Variants in MAP2 observed in about 807,000 individuals in gnomAD.
MAP2 encodes microtubule-associated protein 2.
Under a neutral mutation model 137.6 loss-of-function variants are expected in MAP2, and 14 were observed. The observed-to-expected ratio is 0.10, with a 90% CI of 0.07 to 0.16. The LOEUF is 0.16. MAP2 is among the 10% of genes least tolerant of loss of function. The pLI is 1.00. For missense variants in MAP2, 2,088 were observed against 2,191.5 expected (o/e 0.95, Z 0.94); for synonymous variants, 786 against 782.3 (o/e 1.00, Z -0.08).
Position 209,730,280 on chromosome 2 carries a change from A to G in MAP2, c.5367A>G (p.Ala1789=), listed in dbSNP as rs777193456. 4 of 1,614,004 alleles carry G rather than the reference A, an allele frequency of 2.5e-6. No individual in the cohort carries two copies. The African/African-American group carries it at 4.0e-5, about 16-fold the overall frequency. ...ITQSPGRSSV[A]SPRRLSNVSS... The stretch of plus-strand genomic sequence containing the variant: ...AGTCCCCAGGCAGATCCAGCGTGGC[A>G]TCACCCCGACGACTCAGCAATGTCT... The change falls in exon 16 of 16, where the codon GCA becomes GCG. Residue 1789 remains alanine (A), a synonymous_variant. Transcript: ENST00000682079.
chr2:209,498,337 GTGCATCCTCCCCATACCCCTCAGA>G (rs2059993946), intron 1 of MAP2, among the ~76,000 whole-genome samples: 1 of 152,210 alleles, frequency 6.6e-6, no homozygotes, highest in African/African-American at 2.4e-5. Flanking sequence ...GCTTTGCAGG[GTGCATCCTCCCCATACCCCTCAGA>G]TGCTCTCACA....
chr2:209,651,051 A>G (rs1043061964), intron 4 of MAP2, among the ~76,000 whole-genome samples: 19 of 152,208 alleles, frequency 1.2e-4, no homozygotes, highest in Admixed American at 7.9e-4. Flanking sequence ...AAAGTTCACA[A>G]TTGGAATCTA....
At chr2:209,490,947 G>T (rs1034051615) in intron 1 of MAP2, among the ~76,000 whole-genome samples, 7 of 152,222 alleles carry the variant, frequency 4.6e-5, no homozygotes, top group African/African-American at 1.7e-4. Context: ...GGACCAAGCA[G>T]ACCCAATATA....
intron 2 of MAP2, among the ~76,000 whole-genome samples, chr2:209,552,716 C>G (rs1454024320): frequency 1.3e-5 from 2 of 151,968 alleles, no homozygotes; most frequent in African/African-American, 4.8e-5. Context: ...CAAAAATTAG[C>G]CGGGCGTTGT....
intron 7 of MAP2, among the ~76,000 whole-genome samples, chr2:209,690,168 C>T (rs909554487): frequency 6.6e-6 from 1 of 152,050 alleles, no homozygotes; most frequent in Non-Finnish European, 1.5e-5. Flanking sequence ...GCGAAAACAG[C>T]ACATGTCTAA....
rs753363078 is a variant in MAP2 at position 209,696,356 on chromosome 2, CATT to C, written c.4180+22_4180+24del. 149 of 1,526,414 alleles carry C rather than the reference CATT, an allele frequency of 9.8e-5. No individual in the cohort carries two copies. The highest frequency in any genetic ancestry group is 1.8e-4 in the Middle Eastern group (1 of 5,682). The allele number at this position is 1,526,414 out of a possible 1,614,324, so 94.6% of individuals were successfully genotyped here. A position where few individuals can be genotyped will look rare whatever the true frequency, so the allele number is the denominator to read the frequency against. On this transcript the variant is annotated splice_region_variant and intron_variant, in intron 8 of 15. Coordinates refer to ENST00000682079, the MANE Select transcript of MAP2 (RefSeq NM_001375505.1). ...CCTCTGGGTGGACACTCAAGGTGTG[CATT>C]ATTATTATTATTATTTTAACTCAAA...
chr2:209,649,694 A>G (rs560513134), intron 4 of MAP2, among the ~76,000 whole-genome samples: 15 of 152,288 alleles, frequency 9.8e-5, no homozygotes, highest in Admixed American at 5.9e-4. Flanking sequence ...TACTTACTAA[A>G]TGGTTAGACT....
At chr2:209,515,643 T>C (rs555951798) in intron 2 of MAP2, among the ~76,000 whole-genome samples, 7 of 152,140 alleles carry the variant, frequency 4.6e-5, no homozygotes, top group Non-Finnish European at 7.4e-5. Context: ...TCCCCTGACA[T>C]GTGGAGATTA....
At chr2:209,583,185 C>CTATCTATG (rs958071233) in intron 3 of MAP2, among the ~76,000 whole-genome samples, 4 of 151,720 alleles carry the variant, frequency 2.6e-5, no homozygotes, top group African/African-American at 7.3e-5. Flanking sequence ...ATCTATCTAT[C>CTATCTATG]TGTCTATCCT....
chr2:209,566,822 T>G (rs2153364399), intron 2 of MAP2, among the ~76,000 whole-genome samples: 1 of 152,288 alleles, frequency 6.6e-6, no homozygotes, highest in East Asian at 1.9e-4. Flanking sequence ...CAAGGTTTCC[T>G]TTTGTGCATT....
chr2:209,688,980 T>G (rs1382942531), intron 7 of MAP2, among the ~76,000 whole-genome samples: 4 of 152,212 alleles, frequency 2.6e-5, no homozygotes, highest in African/African-American at 9.6e-5. Flanking sequence ...AAACTAAATT[T>G]CTAAAATATG....
chr2:209,718,849 A>C (rs1185291338), intron 13 of MAP2, among the ~76,000 whole-genome samples: 2 of 152,234 alleles, frequency 1.3e-5, no homozygotes, highest in Non-Finnish European at 2.9e-5. Flanking sequence ...GTCTGCATAC[A>C]TTTTAACCAG....
chr2:209,720,153 T>C (rs1254637054), intron 13 of MAP2, among the ~76,000 whole-genome samples: 2 of 152,164 alleles, frequency 1.3e-5, no homozygotes, highest in African/African-American at 4.8e-5. Context: ...TCTGGCTGCC[T>C]CACTAAGAAG....
intron 1 of MAP2, among the ~76,000 whole-genome samples, chr2:209,457,945 C>T (rs1175996496): frequency 6.6e-6 from 1 of 152,176 alleles, no homozygotes; most frequent in Non-Finnish European, 1.5e-5. Flanking sequence ...AAGATATCTC[C>T]ACAGTGTGTT....
intron 4 of MAP2, among the ~76,000 whole-genome samples, chr2:209,639,154 A>G (rs929949583): frequency 6.6e-6 from 1 of 152,078 alleles, no homozygotes; most frequent in Non-Finnish European, 1.5e-5. Flanking sequence ...ACAGGCATGA[A>G]CCACCATGCC....
At chr2:209,585,998 G>A (rs1206969039) in intron 3 of MAP2, among the ~76,000 whole-genome samples, 1 of 152,108 alleles carries the variant, frequency 6.6e-6, no homozygotes, top group African/African-American at 2.4e-5. Context: ...GACTCAGAGA[G>A]TTGCACATGT....
chr2:209,533,625 G>T (rs1364548053), intron 2 of MAP2, among the ~76,000 whole-genome samples: 2 of 152,132 alleles, frequency 1.3e-5, no homozygotes. Flanking sequence ...TAAGACATGA[G>T]GATTTATTTT....
At chr2:209,589,322 G>A (rs997423249) in intron 3 of MAP2, among the ~76,000 whole-genome samples, 2 of 152,188 alleles carry the variant, frequency 1.3e-5, no homozygotes, top group Admixed American at 1.3e-4. Context: ...AAGAATGCAA[G>A]TGTCCTACTC....
chr2:209,493,470 CAA>C (rs1559233174), intron 1 of MAP2, among the ~76,000 whole-genome samples: 3 of 152,138 alleles, frequency 2.0e-5, no homozygotes, highest in Non-Finnish European at 4.4e-5. Flanking sequence ...TTCTGCACAG[CAA>C]AAGAAACTGT....
Sources: allele counts gnomAD v4.1 joint callset (sites outside exome capture counted in the v4.1 genomes callset), GRCh38; gene constraint gnomAD v4.1.1; transcripts MANE v1.5; gene names NCBI Gene and HGNC (gene_info 2026-07-23, HGNC 2026-07-21).